Variants in SH3BP4 observed in about 807,000 individuals in gnomAD.
SH3BP4 encodes SH3 domain binding protein 4.
In SH3BP4, 33 loss-of-function variants were observed where a neutral mutation model predicts 65.5. That is an observed-to-expected ratio of 0.50 (90% CI 0.38 to 0.67). The LOEUF (loss-of-function observed/expected upper bound fraction) is 0.67. Among genes scored for constraint, SH3BP4 ranks in the 30% least tolerant of loss-of-function variants. The pLI, the probability that SH3BP4 is intolerant of heterozygous loss-of-function variation, is 0.00. For synonymous variants in SH3BP4, 552 were observed against 545.5 expected (o/e 1.01, Z -0.17); for missense variants, 1,134 against 1,261.4 (o/e 0.90, Z 1.53).
chr2:234,975,227 C>T (rs1234451311), intron 1 of SH3BP4, among the ~76,000 whole-genome samples: 4 of 152,168 alleles, frequency 2.6e-5, no homozygotes, highest in East Asian at 1.9e-4. Flanking sequence ...GCAGTAACAT[C>T]GGGGACAGCA....
chr2:234,993,806 C>T (rs888393684), intron 1 of SH3BP4, among the ~76,000 whole-genome samples: 1 of 152,234 alleles, frequency 6.6e-6, no homozygotes, highest in African/African-American at 2.4e-5. Flanking sequence ...ATGGCGGCGT[C>T]CTGCCTTCTC....
chr2:235,036,599 C>CA, intron 3 of SH3BP4, among the ~76,000 whole-genome samples: 1 of 151,854 alleles, frequency 6.6e-6, no homozygotes, highest in South Asian at 2.1e-4. Flanking sequence ...ACTAAAAATA[C>CA]AAAAAATTAG....
chr2:235,040,535 G>A (rs1011689394), intron 3 of SH3BP4, among the ~76,000 whole-genome samples: 1 of 150,936 alleles, frequency 6.6e-6, no homozygotes, highest in East Asian at 1.9e-4. Flanking sequence ...TTTGTATCTA[G>A]TAGCAGTTCT....
chr2:234,959,102 C>G (rs554031970), intron 1 of SH3BP4, among the ~76,000 whole-genome samples: 1 of 152,240 alleles, frequency 6.6e-6, no homozygotes, highest in East Asian at 1.9e-4. Flanking sequence ...GCAACTTTTT[C>G]CCACTAGCCT....
chr2:235,042,197 G>A lies in SH3BP4; in HGVS notation c.1428G>A (p.Val476=), dbSNP rs1261234082. ...VWDFINKKVT[V]GLYGPKHIHP... ...ACTTCATCAATAAAAAAGTCACAGT[G>A]GGTCTCTACGGCCCTAAACACATCC... is the stretch of plus-strand genomic sequence containing the variant. Residue 476 remains valine (V), a synonymous_variant, in exon 4 of 6, where the codon GTG becomes GTA. Transcript: ENST00000392011. This position sits in a 1 kb window ranked among gnomAD's most constrained non-coding sequence, Gnocchi z 7.3. 1 of 1,613,932 alleles carries A rather than the reference G, an allele frequency of 6.2e-7. No individual in the cohort carries two copies. Among genetic ancestry groups the A allele is most frequent in the African/African-American group, 1.3e-5 (1 of 74,864 alleles).
intron 1 of SH3BP4, chr2:234,994,756 A>G (rs1227107554): frequency 6.6e-6 from 1 of 152,264 alleles, no homozygotes; most frequent in Non-Finnish European, 1.5e-5. Flanking sequence ...AAAAGGCACA[A>G]TAAGCTATTG....
intron 1 of SH3BP4, among the ~76,000 whole-genome samples, chr2:234,971,140 T>C (rs147654116): frequency 9.2e-5 from 14 of 152,356 alleles, no homozygotes; most frequent in African/African-American, 3.1e-4. Context: ...TCTTGCAGAA[T>C]GAAAATTCTG....
intron 1 of SH3BP4, among the ~76,000 whole-genome samples, chr2:234,972,072 C>G (rs1425499950): frequency 6.6e-6 from 1 of 151,936 alleles, no homozygotes; most frequent in Non-Finnish European, 1.5e-5. Context: ...GTCTCAGCCT[C>G]CCAAAGTGCT....
chr2:234,954,745 C>T (rs1300553114), intron 1 of SH3BP4, among the ~76,000 whole-genome samples: 1 of 152,112 alleles, frequency 6.6e-6, no homozygotes, highest in African/African-American at 2.4e-5. Flanking sequence ...GGGAGGTGTT[C>T]CTGGTTTTAA....
At chr2:234,970,777 TTTTG>T (rs1174341943) in intron 1 of SH3BP4, among the ~76,000 whole-genome samples, 4 of 152,350 alleles carry the variant, frequency 2.6e-5, no homozygotes, top group Non-Finnish European at 4.4e-5. Flanking sequence ...TCGTTTTCTT[TTTTG>T]TTTATTAGCG....
At chr2:235,038,399 A>G (rs1377704419) in intron 3 of SH3BP4, among the ~76,000 whole-genome samples, 2 of 82,608 alleles carry the variant, frequency 2.4e-5, no homozygotes, top group African/African-American at 5.2e-5. Context: ...ATATATATAT[A>G]TATATATATA....
Position 234,959,395 on chromosome 2 carries a change from G to A in SH3BP4, c.-207+7225G>A, listed in dbSNP as rs186283340. Reference sequence around the variant, plus strand: ...CTGGCAGAGAGAGAGAGAGAGCCTGGACAAGGTGAAAACTTAGGGTGGTGA... The same window carrying A: ...CTGGCAGAGAGAGAGAGAGAGCCTGAACAAGGTGAAAACTTAGGGTGGTGA... On this transcript the variant is annotated intron_variant, in intron 1 of 5. Coordinates refer to ENST00000392011, the MANE Select transcript of SH3BP4 (RefSeq NM_014521.3). Among the ~76,000 whole-genome samples the A allele has an allele frequency of 4.8e-4, 73 of 151,194 alleles. No individual in the cohort carries two copies. The East Asian group carries it at 5.1e-3, about 11-fold the overall frequency.
chr2:235,035,120 G>A lies in SH3BP4; in HGVS notation c.118G>A (p.Val40Met). The A allele has an allele frequency of 6.2e-7, 1 of 1,607,854 alleles. No individual in the cohort carries two copies. Residue 40 changes from valine (V) to methionine (M), a missense_variant and splice_region_variant, in exon 3 of 6, where the codon GTG (valine) becomes ATG (methionine). Coordinates refer to ENST00000392011, the MANE Select transcript of SH3BP4 (RefSeq NM_014521.3). This position sits in a 1 kb window ranked among gnomAD's most constrained non-coding sequence, Gnocchi z 5.0. The part of the protein sequence containing the change: ...FSETSFNDIK[V>M]PSPSALLVDN... Reference sequence around the variant, plus strand: ...AGAGACGAGCTTTAATGACATCAAAGGTGAGCTTCTGGGGAACAGGACTGT... The same window carrying A: ...AGAGACGAGCTTTAATGACATCAAAAGTGAGCTTCTGGGGAACAGGACTGT...
intron 2 of SH3BP4, among the ~76,000 whole-genome samples, chr2:235,001,944 T>C (rs1694114034): frequency 6.6e-6 from 1 of 152,142 alleles, no homozygotes; most frequent in African/African-American, 2.4e-5. Context: ...CACTGCAACC[T>C]CCGCCTCCCG....
intron 1 of SH3BP4, among the ~76,000 whole-genome samples, chr2:234,986,030 A>G (rs1461251920): frequency 2.0e-5 from 3 of 148,112 alleles, no homozygotes; most frequent in Non-Finnish European, 4.4e-5. Flanking sequence ...GTCCACGTGC[A>G]GGTGTACCAG....
At position 235,046,626 on chromosome 2, in the gene SH3BP4, G is replaced by A. The variant is rs1273546105; in HGVS notation, c.2478+3379G>A. ...AGTTTGTTTATGTTCTTGTGCACTTGTTTCTCATTATTACTCTAACTGAAC... is the reference window on the plus strand; with the variant it reads ...AGTTTGTTTATGTTCTTGTGCACTTATTTCTCATTATTACTCTAACTGAAC... On this transcript the variant is annotated intron_variant, in intron 4 of 5. Transcript: ENST00000392011. This position sits in a 1 kb window ranked among gnomAD's most constrained non-coding sequence, Gnocchi z 4.2. 6.6e-6 allele frequency among the ~76,000 whole-genome samples: 1 copy of A among 152,108 alleles called. No homozygotes were observed. The highest frequency in any genetic ancestry group is 1.5e-5 in the Non-Finnish European group (1 of 68,018).
chr2:235,017,445 CAAAAAAA>C (rs556712981), intron 2 of SH3BP4, among the ~76,000 whole-genome samples: 38 of 75,022 alleles, frequency 5.1e-4, no homozygotes, highest in African/African-American at 1.3e-3. Context: ...GACTCAGTCT[CAAAAAAA>C]AAAAAAAAAA....
At chr2:234,957,734 T>C (rs944184197) in intron 1 of SH3BP4, among the ~76,000 whole-genome samples, 1 of 151,896 alleles carries the variant, frequency 6.6e-6, no homozygotes, top group Non-Finnish European at 1.5e-5. Flanking sequence ...GTAATGTATA[T>C]CCACGTTGAA....
intron 2 of SH3BP4, among the ~76,000 whole-genome samples, chr2:235,027,427 G>T (rs1044110501): frequency 6.6e-5 from 10 of 150,616 alleles, no homozygotes; most frequent in Non-Finnish European, 1.2e-4. Flanking sequence ...TCAGTAACAG[G>T]AGGACCGACC....
Sources: allele counts gnomAD v4.1 joint callset (sites outside exome capture counted in the v4.1 genomes callset), GRCh38; gene constraint gnomAD v4.1.1; non-coding constraint Gnocchi (gnomAD v3.1); transcripts MANE v1.5; gene names NCBI Gene and HGNC (gene_info 2026-07-23, HGNC 2026-07-21).